NAV2: variants seen among roughly 807,000 people sequenced by gnomAD.
NAV2 encodes the protein neuron navigator 2, also known as helicase, APC down-regulated 1.
NAV2 carries 54 observed loss-of-function variants against 223.2 expected under a neutral mutation model. That is an observed-to-expected ratio of 0.24 (90% CI 0.19 to 0.30). The LOEUF (loss-of-function observed/expected upper bound fraction) is 0.30, where lower values mean the gene tolerates loss of function less well. Ranked by LOEUF, NAV2 falls within the 10% of genes least tolerant of loss-of-function variation. The probability of loss-of-function intolerance (pLI) is 1.00; values close to 1 mark genes in which losing one functional copy is unlikely to be tolerated. For missense variants in NAV2, 2,806 were observed against 3,147.5 expected (o/e 0.89, Z 2.60); for synonymous variants, 1,279 against 1,239.3 (o/e 1.03, Z -0.67).
At chr11:19,915,061 G>T (rs1447017769) in intron 6 of NAV2, among the ~76,000 whole-genome samples, 1 of 152,154 alleles carries the variant, frequency 6.6e-6, no homozygotes, top group Non-Finnish European at 1.5e-5. Flanking sequence ...ACCCTTAAGA[G>T]CTTTGTCTTC....
intron 1 of NAV2, among the ~76,000 whole-genome samples, chr11:19,533,028 T>C (rs2044075639): frequency 6.6e-6 from 1 of 152,198 alleles, no homozygotes; most frequent in South Asian, 2.1e-4. Context: ...GGGATTCCTT[T>C]GGTCAGGTTG....
rs142380467 is a variant in NAV2, at chr11:19,832,531, G to A, written c.315G>A (p.Lys105=). The change falls in exon 2 of 38, where the codon AAG becomes AAA. Residue 105 remains lysine, a synonymous_variant. Coordinates refer to ENST00000349880, the MANE Select transcript of NAV2 (RefSeq NM_145117.5). ...ANHYLAKSGH[K]RLIRDLQQDV... ...ATTACCTAGCCAAATCCGGCCACAAGCGTCTCATCAGGGATCTCCAGCAAG... is the reference window on the plus strand; with the variant it reads ...ATTACCTAGCCAAATCCGGCCACAAACGTCTCATCAGGGATCTCCAGCAAG... 74 of 1,614,172 alleles carry A rather than the reference G, an allele frequency of 4.6e-5. No homozygotes were observed. The African/African-American group carries it at 9.3e-4, about 20-fold the overall frequency.
intron 1 of NAV2, among the ~76,000 whole-genome samples, chr11:19,689,500 G>A (rs182795676): frequency 3.9e-4 from 60 of 152,300 alleles, no homozygotes; most frequent in African/African-American, 1.3e-3. Flanking sequence ...GGTCAGAGGC[G>A]TCCGCCAGGA....
At chr11:20,085,093 C>G (rs547137289) in intron 26 of NAV2, among the ~76,000 whole-genome samples, 1 of 151,676 alleles carries the variant, frequency 6.6e-6, no homozygotes, top group African/African-American at 2.4e-5. Context: ...ACTTGGGAGG[C>G]TGAGGCAGGA....
intron 5 of NAV2, among the ~76,000 whole-genome samples, chr11:19,889,987 C>T (rs1033151407): frequency 6.6e-6 from 1 of 152,176 alleles, no homozygotes; most frequent in African/African-American, 2.4e-5. Flanking sequence ...CCAAGTATTT[C>T]TTGTGCCATA....
At chr11:19,653,330 TA>T (rs1415123997) in intron 1 of NAV2, among the ~76,000 whole-genome samples, 6 of 152,250 alleles carry the variant, frequency 3.9e-5, no homozygotes, top group East Asian at 3.9e-4. Flanking sequence ...ACAGTGAAAG[TA>T]AAAAAGTACT....
chr11:20,069,352 GGAAGAAGGCAGC>G (rs2059252225), intron 22 of NAV2, among the ~76,000 whole-genome samples: 1 of 152,164 alleles, frequency 6.6e-6, no homozygotes, highest in Non-Finnish European at 1.5e-5. Flanking sequence ...GAAGTAGGGA[GGAAGAAGGCAGC>G]GAAGAAAGCC....
At chr11:19,948,210 C>T (rs1251616220) in intron 9 of NAV2, among the ~76,000 whole-genome samples, 6 of 152,200 alleles carry the variant, frequency 3.9e-5, no homozygotes, top group South Asian at 4.2e-4. Flanking sequence ...CTCAGCTTCC[C>T]GAGTAGCTGG....
chr11:19,734,479 G>T (rs1334205929), intron 1 of NAV2, among the ~76,000 whole-genome samples: 1 of 152,150 alleles, frequency 6.6e-6, no homozygotes, highest in Non-Finnish European at 1.5e-5. Context: ...TAACCACCCA[G>T]GGTCTCTTTT....
chr11:19,652,829 C>T (rs546872073), intron 1 of NAV2, among the ~76,000 whole-genome samples: 1 of 152,352 alleles, frequency 6.6e-6, no homozygotes, highest in South Asian at 2.1e-4. Flanking sequence ...TTACACTTGG[C>T]AGCTTTCCAT....
chr11:19,416,304 GACAA>G (rs1352747089), intron 1 of NAV2, among the ~76,000 whole-genome samples: 27 of 152,210 alleles, frequency 1.8e-4, no homozygotes, highest in African/African-American at 3.6e-4. Flanking sequence ...ACCAATAATA[GACAA>G]ACAGAGAGCC....
intron 1 of NAV2, among the ~76,000 whole-genome samples, chr11:19,436,020 G>T (rs137913644): frequency 6.6e-6 from 1 of 151,954 alleles, no homozygotes; most frequent in East Asian, 1.9e-4. Flanking sequence ...TCTCTGTGTC[G>T]TCTCTTCATT....
At chr11:19,490,683 T>C (rs2134071362) in intron 1 of NAV2, among the ~76,000 whole-genome samples, 1 of 152,334 alleles carries the variant, frequency 6.6e-6, no homozygotes, top group Admixed American at 6.5e-5. Flanking sequence ...CCATGAAGAT[T>C]GGAATCAACT....
chr11:19,945,162 C>T (rs1451362753), intron 8 of NAV2, among the ~76,000 whole-genome samples: 4 of 13,884 alleles, frequency 2.9e-4, no homozygotes, highest in Admixed American at 8.2e-4. Flanking sequence ...TCTCCCTTCC[C>T]TTCCCTTCCC....
At chr11:19,552,382 T>C (rs1000981684) in intron 1 of NAV2, among the ~76,000 whole-genome samples, 4 of 152,166 alleles carry the variant, frequency 2.6e-5, no homozygotes, top group African/African-American at 9.7e-5. Flanking sequence ...TACACTTCTC[T>C]GAATCAATTC....
chr11:19,618,699 T>C (rs2046889007), intron 1 of NAV2, among the ~76,000 whole-genome samples: 1 of 151,782 alleles, frequency 6.6e-6, no homozygotes, highest in Non-Finnish European at 1.5e-5. Context: ...AGCTGAAAAA[T>C]CTAGAGTCAG....
chr11:19,564,229 C>T (rs1263709297), intron 1 of NAV2, among the ~76,000 whole-genome samples: 1 of 152,170 alleles, frequency 6.6e-6, no homozygotes, highest in Non-Finnish European at 1.5e-5. Context: ...CAGGGCATAG[C>T]GCTGGTGATC....
At chr11:19,791,046 G>A (rs1158209178) in intron 1 of NAV2, among the ~76,000 whole-genome samples, 1 of 152,140 alleles carries the variant, frequency 6.6e-6, no homozygotes, top group African/African-American at 2.4e-5. Flanking sequence ...GATAGATAAG[G>A]AAACTAAGTC....
intron 3 of NAV2, among the ~76,000 whole-genome samples, chr11:19,846,519 C>T (rs940442093): frequency 6.6e-6 from 1 of 152,122 alleles, no homozygotes; most frequent in Non-Finnish European, 1.5e-5. Context: ...TTCCTGTGGA[C>T]AGAAGTTCAG....
Sources: allele counts gnomAD v4.1 joint callset (sites outside exome capture counted in the v4.1 genomes callset), GRCh38; gene constraint gnomAD v4.1.1; transcripts MANE v1.5; gene names NCBI Gene and HGNC (gene_info 2026-07-23, HGNC 2026-07-21).